The following KCNH1 variants were observed in gnomAD, a reference collection of about 807,000 sequenced individuals.
KCNH1 encodes the protein voltage-gated delayed rectifier potassium channel KCNH1.
KCNH1 carries 27 observed loss-of-function variants against 69.2 expected under a neutral mutation model. The ratio of observed to expected loss-of-function variants is 0.39; its 90% CI spans 0.29 to 0.54. The LOEUF (loss-of-function observed/expected upper bound fraction) is 0.54, where lower values mean the gene tolerates loss of function less well. Among genes scored for constraint, KCNH1 ranks in the 20% least tolerant of loss-of-function variants. KCNH1 has a pLI of 0.68. For missense variants in KCNH1, 798 were observed against 1,261.6 expected, an observed-to-expected ratio of 0.63 and a Z score of 5.57; for synonymous variants, 456 against 487.7, an observed-to-expected ratio of 0.93 and a Z score of 0.86.
At position 210,888,768 on chromosome 1, in the gene KCNH1, C is replaced by T. The variant is rs369550083; in HGVS notation, c.1462+30872G>A. Reference sequence around the variant, plus strand: ...AAATACAAACTACCATCAGAGAATACTATAAACGCCTCTATGCGAATGAAC... The same window carrying T: ...AAATACAAACTACCATCAGAGAATATTATAAACGCCTCTATGCGAATGAAC... On this transcript the variant is annotated intron_variant, in intron 7 of 10. Transcript: ENST00000271751. Among the ~76,000 whole-genome samples, 8 of 152,048 alleles carry T rather than the reference C, an allele frequency of 5.3e-5. No homozygotes were observed. The East Asian group carries it at 7.8e-4, about 15-fold the overall frequency.
chr1:210,883,014 C>G (rs781127139), intron 7 of KCNH1, among the ~76,000 whole-genome samples: 8 of 152,106 alleles, frequency 5.3e-5, no homozygotes, highest in South Asian at 4.1e-4. Context: ...GTTCCAGTAG[C>G]TGTGGTGGTG....
chr1:210,710,951 C>T (rs1682060320), intron 10 of KCNH1, among the ~76,000 whole-genome samples: 1 of 152,222 alleles, frequency 6.6e-6, no homozygotes, highest in Non-Finnish European at 1.5e-5. Flanking sequence ...CCATAATCCC[C>T]ACCAGCTTCC....
chr1:210,962,926 G>A (rs747386373), intron 6 of KCNH1, among the ~76,000 whole-genome samples: 10 of 150,438 alleles, frequency 6.6e-5, no homozygotes, highest in Non-Finnish European at 1.0e-4. Context: ...GTAAAGTATC[G>A]TTTCGTATGT....
intron 5 of KCNH1, among the ~76,000 whole-genome samples, chr1:211,076,180 C>A (rs1302296674): frequency 6.6e-6 from 1 of 152,230 alleles, no homozygotes; most frequent in Admixed American, 6.5e-5. Context: ...AGACAGCAGA[C>A]AACTTCTGCA....
rs1263126320 is a variant in KCNH1 at position 210,708,188 on chromosome 1, TG to T, written c.2113-24051del. Among the ~76,000 whole-genome samples the T allele has an allele frequency of 4.9e-3, 749 of 152,198 alleles. 10 individuals carry two copies. The highest frequency in any genetic ancestry group is 0.017 in the African/African-American group (703 of 41,504). On this transcript the variant is annotated intron_variant, in intron 10 of 10. Coordinates refer to ENST00000271751, the MANE Select transcript of KCNH1 (RefSeq NM_172362.3). ...CACCCTTTCTGGAGCCCATTTATGCTGCTTTTACTCTGGATGGCTCTTCCCT... is the reference window on the plus strand; with the variant it reads ...CACCCTTTCTGGAGCCCATTTATGCTCTTTTACTCTGGATGGCTCTTCCCT...
intron 9 of KCNH1, among the ~76,000 whole-genome samples, chr1:210,782,060 C>G (rs972339528): frequency 1.6e-4 from 24 of 152,178 alleles, no homozygotes; most frequent in Non-Finnish European, 8.8e-5. Flanking sequence ...TATGCCCAAA[C>G]CTCCTCTCTG....
intron 6 of KCNH1, among the ~76,000 whole-genome samples, chr1:211,012,643 C>T (rs1689414618): frequency 6.6e-6 from 1 of 152,104 alleles, no homozygotes; most frequent in Non-Finnish European, 1.5e-5. Context: ...ATACGTGGAG[C>T]ACAGGGGATG....
chr1:210,899,698 G>A (rs1686954162), intron 7 of KCNH1, among the ~76,000 whole-genome samples: 1 of 152,168 alleles, frequency 6.6e-6, no homozygotes, highest in Non-Finnish European at 1.5e-5. Flanking sequence ...ATTCTACTAG[G>A]TGGTTTATAT....
chr1:211,007,159 A>C (rs1407410986), intron 6 of KCNH1, among the ~76,000 whole-genome samples: 6 of 152,196 alleles, frequency 3.9e-5, no homozygotes, highest in African/African-American at 1.4e-4. Flanking sequence ...TTGGAAGCAC[A>C]TCCCTGAGGC....
chr1:211,072,380 T>C (rs1690661248), intron 5 of KCNH1, among the ~76,000 whole-genome samples: 1 of 152,150 alleles, frequency 6.6e-6, no homozygotes, highest in African/African-American at 2.4e-5. Flanking sequence ...TTCAGAGGGA[T>C]TGAGAATGAT....
At chr1:210,949,951 T>C (rs1052537282) in intron 6 of KCNH1, among the ~76,000 whole-genome samples, 3 of 152,220 alleles carry the variant, frequency 2.0e-5, no homozygotes, top group East Asian at 1.9e-4. Context: ...AAATCAACCA[T>C]GTGAAACCTG....
chr1:210,772,434 G>T (rs1043866505), intron 10 of KCNH1, among the ~76,000 whole-genome samples: 1 of 151,700 alleles, frequency 6.6e-6, no homozygotes, highest in Non-Finnish European at 1.5e-5. Context: ...TGTCTTCCAT[G>T]CCCTACGTAA....
At chr1:210,952,687 G>GAA (rs5780618) in intron 6 of KCNH1, among the ~76,000 whole-genome samples, 1 of 144,670 alleles carries the variant, frequency 6.9e-6, no homozygotes. Flanking sequence ...CACTCTTAGA[G>GAA]AAAAAAAAAA....
At chr1:211,067,534 C>T (rs1170185270) in intron 5 of KCNH1, among the ~76,000 whole-genome samples, 4 of 152,230 alleles carry the variant, frequency 2.6e-5, no homozygotes, top group Non-Finnish European at 5.9e-5. Flanking sequence ...AGTGCTGCTT[C>T]CTACCTGTTT....
intron 6 of KCNH1, among the ~76,000 whole-genome samples, chr1:211,004,071 G>A (rs1361413866): frequency 6.6e-6 from 1 of 152,086 alleles, no homozygotes; most frequent in Admixed American, 6.6e-5. Flanking sequence ...TCCTGCCTGG[G>A]CGACAGCGAG....
At chr1:210,770,702 G>T (rs1184072657) in intron 10 of KCNH1, among the ~76,000 whole-genome samples, 1 of 152,218 alleles carries the variant, frequency 6.6e-6, no homozygotes, top group East Asian at 1.9e-4. Flanking sequence ...TGGTTTTACC[G>T]TACATGTTTC....
intron 6 of KCNH1, among the ~76,000 whole-genome samples, chr1:210,983,356 T>C (rs7529625): frequency 0.24 from 36,116 of 152,062 alleles, 5,874 homozygotes; most frequent in African/African-American, 0.45. Flanking sequence ...ACGCCTATGT[T>C]CTGAATGGTA....
chr1:210,743,386 G>A (rs1683080916), intron 10 of KCNH1, among the ~76,000 whole-genome samples: 1 of 152,306 alleles, frequency 6.6e-6, no homozygotes, highest in East Asian at 1.9e-4. Flanking sequence ...CAGATCTCTA[G>A]TAGGCTCTTC....
In KCNH1 at chr1:210,966,342, A is replaced by C. The variant is rs993722992; in HGVS notation, c.1033-46273T>G. 3.9e-5 allele frequency among the ~76,000 whole-genome samples: 6 copies of C among 152,344 alleles called. No homozygotes were observed. The East Asian group carries it at 9.6e-4, about 24-fold the overall frequency. ...GGCATGGGCAAAGACTTCATGACTAAAACACCAAAAGCAATGGCAACAAAA... is the reference window on the plus strand; with the variant it reads ...GGCATGGGCAAAGACTTCATGACTACAACACCAAAAGCAATGGCAACAAAA... On this transcript the variant is annotated intron_variant, in intron 6 of 10. Coordinates refer to ENST00000271751, the MANE Select transcript of KCNH1 (RefSeq NM_172362.3).
Sources: gnomAD v4.1 joint callset for allele counts (sites outside exome capture counted in the v4.1 genomes callset) on GRCh38, gnomAD v4.1.1 for gene constraint, MANE v1.5 for transcripts, NCBI Gene and HGNC (gene_info 2026-07-23, HGNC 2026-07-21) for gene names.